The following STK3 variants were observed in gnomAD, a reference collection of about 807,000 sequenced individuals.
STK3 encodes serine/threonine kinase 3.
In STK3, 41 loss-of-function variants were observed where a neutral mutation model predicts 58.0. The ratio of observed to expected loss-of-function variants is 0.71; its 90% CI spans 0.55 to 0.92. The LOEUF (loss-of-function observed/expected upper bound fraction) is 0.92, where lower values mean the gene tolerates loss of function less well. Among genes scored for constraint, STK3 ranks in the 40% least tolerant of loss-of-function variants. The pLI is 0.00. For missense variants in STK3, 479 were observed against 602.7 expected (o/e 0.79, Z 2.15); for synonymous variants, 170 against 191.0 (o/e 0.89, Z 0.91).
intron 10 of STK3, among the ~76,000 whole-genome samples, chr8:98,479,267 T>C (rs1220385920): frequency 6.6e-6 from 1 of 151,904 alleles, no homozygotes; most frequent in Non-Finnish European, 1.5e-5. Context: ...GTGGGGCGGA[T>C]CATGAGGTCA....
At chr8:98,457,482 T>C (rs1205940673) in intron 10 of STK3, among the ~76,000 whole-genome samples, 5 of 152,216 alleles carry the variant, frequency 3.3e-5, no homozygotes, top group Non-Finnish European at 7.3e-5. Context: ...TTTCAGCCCA[T>C]GTTAATCTTT....
chr8:98,632,983 A>G (rs753901049), intron 6 of STK3, among the ~76,000 whole-genome samples: 3 of 152,228 alleles, frequency 2.0e-5, no homozygotes, highest in Non-Finnish European at 2.9e-5. Flanking sequence ...AATAATTAGT[A>G]TGTCATAAAG....
At chr8:98,443,626 T>TG (rs1818782554) in intron 1 of STK3, among the ~76,000 whole-genome samples, 1 of 152,168 alleles carries the variant, frequency 6.6e-6, no homozygotes, top group Admixed American at 6.5e-5. Flanking sequence ...GATGGGCGGA[T>TG]CAGTTGAGGT....
chr8:98,858,323 T>TAGAGAGAG (rs1554691273), intron 3 of STK3, among the ~76,000 whole-genome samples: 458 of 16,262 alleles, frequency 0.028, 44 homozygotes, highest in South Asian at 0.09. Context: ...TATATATATA[T>TAGAGAGAG]AGAGAGAGAG....
At position 98,591,779 on chromosome 8, in the gene STK3, A is replaced by G. The variant is rs567149884; in HGVS notation, c.822+4253T>C. ...AGGGTTGTGGTAAATTGGACGAACC[A>G]GATAAGTATATTGGCTTTTCTTAAA... On this transcript the variant is annotated intron_variant, in intron 7 of 10. Coordinates refer to ENST00000419617, the MANE Select transcript of STK3 (RefSeq NM_006281.4). Among the ~76,000 whole-genome samples the G allele has an allele frequency of 7.9e-5, 12 of 152,344 alleles. No homozygotes were observed. In the East Asian group the frequency reaches 2.3e-3, roughly 29 times the overall value.
chr8:98,522,364 C>T (rs1163309552), intron 10 of STK3, among the ~76,000 whole-genome samples: 1 of 152,100 alleles, frequency 6.6e-6, no homozygotes, highest in Non-Finnish European at 1.5e-5. Flanking sequence ...GCAAAGTATA[C>T]TGTAATAATT....
At chr8:98,568,068 GATA>G (rs1166222519) in intron 8 of STK3, among the ~76,000 whole-genome samples, 5 of 59,804 alleles carry the variant, frequency 8.4e-5, no homozygotes, top group African/African-American at 2.6e-4. Context: ...ATAGATGATA[GATA>G]GATAGATAGA....
At chr8:98,678,449 T>G (rs748788384) in intron 6 of STK3, among the ~76,000 whole-genome samples, 2 of 152,126 alleles carry the variant, frequency 1.3e-5, no homozygotes, top group Non-Finnish European at 2.9e-5. Context: ...ATGGACTTTT[T>G]TAAACTTTAG....
intron 3 of STK3, among the ~76,000 whole-genome samples, chr8:98,867,490 G>A (rs1420080647): frequency 6.6e-6 from 1 of 152,064 alleles, no homozygotes; most frequent in Non-Finnish European, 1.5e-5. Flanking sequence ...ACATAGCTGG[G>A]TTAGATTGAC....
At chr8:98,896,164 C>T (rs555004862) in intron 1 of STK3, among the ~76,000 whole-genome samples, 115 of 152,222 alleles carry the variant, frequency 7.6e-4, no homozygotes, top group African/African-American at 2.3e-3. Context: ...TGTCTCCTTA[C>T]GCTTGAAAAT....
chr8:98,445,393 T>C (rs1818896380), intron 1 of STK3, among the ~76,000 whole-genome samples: 1 of 151,870 alleles, frequency 6.6e-6, no homozygotes, highest in Non-Finnish European at 1.5e-5. Context: ...TTTTTAAAAG[T>C]AAAAGAAAAA....
In STK3 at chr8:98,431,389, G is replaced by A. The variant is rs574470396; in HGVS notation, n.483+2738C>T. ...TCAGGAAAAGTGAGATGACTTAGAG[G>A]CAACTGGGCACTGAATCAGAGGAGC... On this transcript the variant is annotated intron_variant and non_coding_transcript_variant, in intron 3 of 3. Coordinates refer to the STK3 transcript ENST00000517832. The A allele has an allele frequency of 2.8e-4, 46 of 167,214 alleles. 1 individual carries two copies. The East Asian group carries it at 3.7e-3, about 13-fold the overall frequency. The allele number at this position is 167,214 out of a possible 1,614,324, so 10.4% of individuals were successfully genotyped here.
At chr8:98,447,660 G>A (rs1007950325) in intron 1 of STK3, among the ~76,000 whole-genome samples, 4 of 141,326 alleles carry the variant, frequency 2.8e-5, no homozygotes, top group African/African-American at 1.0e-4. Context: ...TCTGTATATT[G>A]CAATACTATA....
chr8:98,731,512 G>T (rs1828203076), intron 4 of STK3, among the ~76,000 whole-genome samples: 1 of 152,112 alleles, frequency 6.6e-6, no homozygotes, highest in African/African-American at 2.4e-5. Context: ...GAGGTCAGGA[G>T]ATCAAGACCA....
chr8:98,613,980 T>A (rs1467747904), intron 6 of STK3, among the ~76,000 whole-genome samples: 2 of 151,820 alleles, frequency 1.3e-5, no homozygotes, highest in African/African-American at 4.8e-5. Context: ...GAGACATAAT[T>A]CACCAAGAAA....
rs191885481 is a variant in STK3, at chr8:98,899,633, A to T, written c.-78-15799T>A. 2.0e-5 allele frequency among the ~76,000 whole-genome samples: 3 copies of T among 152,320 alleles called. No homozygotes were observed. In the East Asian group the frequency reaches 5.8e-4, roughly 29 times the overall value. ...TGAGCATCCTTGCATTTTAGTATCC[A>T]TGGGGAGTCCTGGGACCAATTTCCC... On this transcript the variant is annotated intron_variant, in intron 1 of 1. Coordinates refer to the STK3 transcript ENST00000519420.
intron 6 of STK3, among the ~76,000 whole-genome samples, chr8:98,679,141 A>G (rs1823441339): frequency 6.6e-6 from 1 of 152,220 alleles, no homozygotes; most frequent in Non-Finnish European, 1.5e-5. Flanking sequence ...TCTCCTAACT[A>G]GTCTATGTAA....
chr8:98,714,884 C>T (rs1826868528), intron 4 of STK3, among the ~76,000 whole-genome samples: 1 of 152,132 alleles, frequency 6.6e-6, no homozygotes, highest in Middle Eastern at 3.2e-3. Flanking sequence ...TTCAAATACA[C>T]TACAAGGCTA....
intron 10 of STK3, among the ~76,000 whole-genome samples, chr8:98,502,162 T>A (rs1373674338): frequency 6.6e-6 from 1 of 152,140 alleles, no homozygotes; most frequent in Non-Finnish European, 1.5e-5. Flanking sequence ...ATTCTCTTAG[T>A]AGCAATTGTG....
Sources: allele counts gnomAD v4.1 joint callset (sites outside exome capture counted in the v4.1 genomes callset), GRCh38; gene constraint gnomAD v4.1.1; transcripts MANE v1.5; gene names NCBI Gene and HGNC (gene_info 2026-07-23, HGNC 2026-07-21).